SFI1: variants seen among roughly 807,000 people sequenced by gnomAD.
SFI1 encodes protein SFI1 homolog.
A neutral mutation model predicts 207.5 loss-of-function variants in SFI1; 195 were observed. The ratio of observed to expected loss-of-function variants is 0.94; its 90% CI spans 0.84 to 1.06. The LOEUF is 1.06. Among genes scored for constraint, SFI1 ranks in the 50% least tolerant of loss-of-function variants. SFI1 has a pLI of 0.00. For missense variants in SFI1, 1,634 were observed against 1,588.0 expected, an observed-to-expected ratio of 1.03 and a Z score of -0.49; for synonymous variants, 630 against 598.9, an observed-to-expected ratio of 1.05 and a Z score of -0.76.
At chr22:31,511,113 A>G (rs182777653) in intron 2 of SFI1, among the ~76,000 whole-genome samples, 1 of 152,288 alleles carries the variant, frequency 6.6e-6, no homozygotes, top group African/African-American at 2.4e-5. Flanking sequence ...TTTGAGACCT[A>G]TTCAGCAGGT....
At chr22:31,612,203 C>G (rs1210442705) in intron 24 of SFI1, 1 of 395,740 alleles carries the variant, frequency 2.5e-6, no homozygotes, top group African/African-American at 2.3e-5. Flanking sequence ...ACGGTGAAAC[C>G]CCGTCTCTAC....
chr22:31,543,070 A>G (rs2059723089), intron 4 of SFI1, among the ~76,000 whole-genome samples: 1 of 147,932 alleles, frequency 6.8e-6, no homozygotes, highest in Admixed American at 6.9e-5. Context: ...TCCCAGGTTC[A>G]CGCCATTCTC....
At chr22:31,518,175 T>G (rs1332555597) in intron 2 of SFI1, among the ~76,000 whole-genome samples, 2 of 152,128 alleles carry the variant, frequency 1.3e-5, no homozygotes, top group African/African-American at 2.4e-5. Context: ...TTAGTAGAGA[T>G]GGCATTTCAC....
At chr22:31,613,972 A>G in intron 27 of SFI1, 117 bp downstream of exon 27, 5 of 1,335,248 alleles carry the variant, frequency 3.7e-6, no homozygotes, top group Non-Finnish European at 4.9e-6. Flanking sequence ...GCCTTGTCAC[A>G]GCTGAGCTGC....
At position 31,606,402 on chromosome 22, in the gene SFI1, C is replaced by T. The variant is rs1307119086; in HGVS notation, c.2129C>T (p.Thr710Ile). ...GCCAAAAAAACCTTTCAAGCAAGTA[C>T]TCATTACAGAAGGACCATATGTTCC... The part of the protein sequence containing the change: ...DEAKKTFQAS[T>I]HYRRTICSKV... The change falls in exon 21 of 33, where the codon ACT becomes ATT. Residue 710 changes from threonine (T) to isoleucine (I), a missense_variant. Physicochemically the swap from Thr to Ile is moderately conservative, Grantham distance 89. Coordinates refer to ENST00000400288, the MANE Select transcript of SFI1 (RefSeq NM_001007467.3). 2 of 1,613,830 alleles carry T rather than the reference C, an allele frequency of 1.2e-6. No homozygotes were observed. The highest frequency in any genetic ancestry group is 8.5e-7 in the Non-Finnish European group (1 of 1,180,010).
chr22:31,603,809 A>G lies in SFI1; in HGVS notation c.1871A>G (p.Gln624Arg). ...CAGCTCCTGCGTTGGGCCTGGAGCC[A>G]GTGGAGGGAGGTAAGGCTTTGGTGC... ...MAQLLRWAWS[Q>R]WRECLALRGA... The change falls in exon 18 of 33, where the codon CAG becomes CGG. Residue 624 changes from glutamine (Q) to arginine (R), a missense_variant. Physicochemically the swap from Gln to Arg is conservative, Grantham distance 43. Coordinates refer to ENST00000400288, the MANE Select transcript of SFI1 (RefSeq NM_001007467.3). 1 of 1,569,788 alleles carries G rather than the reference A, an allele frequency of 6.4e-7. No homozygotes were observed. The highest frequency in any genetic ancestry group is 8.6e-7 in the Non-Finnish European group (1 of 1,166,954).
intron 1 of SFI1, among the ~76,000 whole-genome samples, chr22:31,507,636 C>T (rs983328481): frequency 2.0e-5 from 3 of 152,140 alleles, no homozygotes; most frequent in African/African-American, 7.2e-5. Context: ...TAACATCTAG[C>T]ATTTACAACA....
chr22:31,593,213 G>A (rs1235828366), intron 15 of SFI1, among the ~76,000 whole-genome samples: 6 of 151,384 alleles, frequency 4.0e-5, no homozygotes, highest in Non-Finnish European at 8.9e-5. Flanking sequence ...GCGGCTGCCG[G>A]GCGGAGGGGC....
chr22:31,548,561 T>C (rs956801555), intron 5 of SFI1, among the ~76,000 whole-genome samples: 1 of 151,156 alleles, frequency 6.6e-6, no homozygotes, highest in African/African-American at 2.4e-5. Flanking sequence ...GAAAATTAAT[T>C]GAACCCAGGA....
intron 8 of SFI1, among the ~76,000 whole-genome samples, chr22:31,570,144 A>ATAAT (rs948029324): frequency 6.6e-5 from 10 of 151,706 alleles, no homozygotes; most frequent in Non-Finnish European, 1.0e-4. Flanking sequence ...AAATAAATAA[A>ATAAT]TAAATAAATC....
intron 5 of SFI1, among the ~76,000 whole-genome samples, chr22:31,547,343 C>G (rs1471764665): frequency 6.6e-6 from 1 of 152,220 alleles, no homozygotes; most frequent in African/African-American, 2.4e-5. Flanking sequence ...CAGAGTCTCA[C>G]TCTGTTGCCC....
In SFI1 at chr22:31,582,202, CATTTTATATATATATATATA is replaced by C. The variant is rs1266627627; in HGVS notation, c.1249-1672_1249-1653del. Among the ~76,000 whole-genome samples the C allele has an allele frequency of 2.4e-3, 101 of 42,462 alleles. 3 individuals are homozygous for C. The highest frequency in any genetic ancestry group is 8.4e-3 in the African/African-American group (88 of 10,458). 27.9% of individuals were successfully genotyped at this position (42,462 alleles called of 152,430 possible). A position where few individuals can be genotyped will look rare whatever the true frequency, so the allele number is the denominator to read the frequency against. On this transcript the variant is annotated intron_variant, in intron 12 of 32. Transcript: ENST00000400288. ...TTCCCCCAACAACACTTCTTTATTA[CATTTTATATATATATATATA>C]TATATATATATATATTTTTTTTTTT...
intron 8 of SFI1, 184 bp from the exon 9 acceptor site, chr22:31,572,874 G>A: frequency 2.0e-6 from 1 of 498,710 alleles, no homozygotes; most frequent in Non-Finnish European, 3.6e-6. Context: ...AAAGCAGAAT[G>A]TCCCTCTTAA....
Position 31,573,191 on chromosome 22 carries a change from G to A in SFI1, c.899G>A (p.Arg300His), listed in dbSNP as rs778925764. ...LKAWLEYLQV[R>H]RVKRQQNEMA... The stretch of plus-strand genomic sequence containing the variant: ...GCCTGGCTTGAATACCTGCAAGTCC[G>A]CAGAGTGAAGAGACAGCAGAATGGT... Residue 300 changes from arginine to histidine, a missense_variant, in exon 9 of 33, where the codon CGC (arginine) becomes CAC (histidine). Physicochemically the swap from Arg to His is conservative, Grantham distance 29. Transcript: ENST00000400288. The A allele has an allele frequency of 1.9e-6, 3 of 1,613,836 alleles. No homozygotes were observed. Among genetic ancestry groups the A allele is most frequent in the Non-Finnish European group, 2.5e-6 (3 of 1,179,980 alleles).
intron 15 of SFI1, among the ~76,000 whole-genome samples, chr22:31,593,698 T>C (rs1308481353): frequency 6.9e-6 from 1 of 145,926 alleles, no homozygotes; most frequent in African/African-American, 2.6e-5. Flanking sequence ...CACTCCAGCC[T>C]GGGCACCATT....
At chr22:31,570,325 C>T (rs1012545962) in intron 8 of SFI1, among the ~76,000 whole-genome samples, 3 of 152,222 alleles carry the variant, frequency 2.0e-5, no homozygotes, top group African/African-American at 7.2e-5. Flanking sequence ...GTTTTAGCGT[C>T]CAAGATGACT....
intron 15 of SFI1, among the ~76,000 whole-genome samples, chr22:31,597,003 G>A (rs1186453091): frequency 7.1e-6 from 1 of 140,396 alleles, no homozygotes; most frequent in African/African-American, 2.7e-5. Context: ...CTGAAGACAC[G>A]CACACACGGT....
intron 15 of SFI1, among the ~76,000 whole-genome samples, chr22:31,599,525 C>T (rs2067765287): frequency 6.6e-6 from 1 of 152,138 alleles, no homozygotes; most frequent in African/African-American, 2.4e-5. Flanking sequence ...CAGGGTTTCA[C>T]CATGTTGGGT....
chr22:31,523,219 C>T (rs1042295963), intron 2 of SFI1, among the ~76,000 whole-genome samples: 1 of 152,098 alleles, frequency 6.6e-6, no homozygotes, highest in African/African-American at 2.4e-5. Flanking sequence ...CTTCACATTC[C>T]TTCTACTGCC....
Sources: gnomAD v4.1 joint callset for allele counts (sites outside exome capture counted in the v4.1 genomes callset) on GRCh38, gnomAD v4.1.1 for gene constraint, MANE v1.5 for transcripts, NCBI Gene and HGNC (gene_info 2026-07-23, HGNC 2026-07-21) for gene names.